MMD: variants seen among roughly 807,000 people sequenced by gnomAD.
MMD encodes the protein monocyte to macrophage differentiation associated, also known as monocyte to macrophage differentiation factor.
In MMD, 22 loss-of-function variants were observed where a neutral mutation model predicts 33.6. That is an observed-to-expected ratio of 0.66 (90% CI 0.47 to 0.94). MMD has a LOEUF of 0.94. MMD is among the 40% of genes least tolerant of loss of function. The probability of loss-of-function intolerance (pLI) is 0.00; values close to 1 mark genes in which losing one functional copy is unlikely to be tolerated. For missense variants in MMD, 242 were observed against 309.8 expected (o/e 0.78, Z 1.64); for synonymous variants, 97 against 103.2 (o/e 0.94, Z 0.36).
intron 4 of MMD, among the ~76,000 whole-genome samples, chr17:55,406,870 A>G (rs889307575): frequency 9.9e-5 from 15 of 152,050 alleles, no homozygotes; most frequent in Admixed American, 9.8e-4. Context: ...TCTCCCCCCA[A>G]AAATACAAAA....
chr17:55,393,585 T>G lies in MMD; in HGVS notation c.*749A>C, dbSNP rs1906997557. ...AAAAAGTTAATGATATCAAAATACT[T>G]TTCCATCACTGGTAAACCAAGCTAG... On this transcript the variant is annotated 3_prime_UTR_variant, in exon 7 of 7. Transcript: ENST00000262065. 1 of 152,630 alleles carries G rather than the reference T, an allele frequency of 6.6e-6. No homozygotes were observed. The highest frequency in any genetic ancestry group is 6.5e-5 in the Admixed American group (1 of 15,276). 9.5% of individuals were successfully genotyped at this position (152,630 alleles called of 1,614,324 possible).
At chr17:55,416,035 G>A (rs950362454) in intron 1 of MMD, among the ~76,000 whole-genome samples, 1 of 152,276 alleles carries the variant, frequency 6.6e-6, no homozygotes, top group Non-Finnish European at 1.5e-5. Flanking sequence ...CTTTAAAAGT[G>A]TCCCAAGAAT....
intron 6 of MMD, among the ~76,000 whole-genome samples, chr17:55,396,610 G>C (rs1008545569): frequency 6.6e-6 from 1 of 151,650 alleles, no homozygotes. Flanking sequence ...GTTGGTGGTG[G>C]TGGTGGTTAT....
chr17:55,405,335 A>G (rs952178092), intron 4 of MMD, among the ~76,000 whole-genome samples: 2 of 151,452 alleles, frequency 1.3e-5, no homozygotes, highest in African/African-American at 4.8e-5. Context: ...GCGCCATTGC[A>G]GTCCAGTCCA....
At chr17:55,420,878 G>C (rs1249431651) in intron 1 of MMD, among the ~76,000 whole-genome samples, 1 of 152,060 alleles carries the variant, frequency 6.6e-6, no homozygotes, top group African/African-American at 2.4e-5. Flanking sequence ...AGGGGAGTAA[G>C]GCCACGGCGC....
At position 55,411,729 on chromosome 17, in the gene MMD, G is replaced by A. The variant is rs79323832; in HGVS notation, c.109-312C>T. Among the ~76,000 whole-genome samples the A allele has an allele frequency of 5.8e-3, 883 of 151,970 alleles. 10 individuals are homozygous for A. The highest frequency in any genetic ancestry group is 0.021 in the African/African-American group (859 of 41,448). ...TTTTATCCTAATTTCATTAAATAAG[G>A]ACATGTTTCATTCTACTTTATAATC... is the stretch of plus-strand genomic sequence containing the variant. On this transcript the variant is annotated intron_variant, in intron 2 of 6. Transcript: ENST00000262065.
intron 6 of MMD, among the ~76,000 whole-genome samples, chr17:55,400,026 CTCATT>C (rs1317842521): frequency 1.3e-5 from 2 of 152,140 alleles, no homozygotes; most frequent in African/African-American, 4.8e-5. Flanking sequence ...GGCTGATTTT[CTCATT>C]TCTGTCCTTT....
chr17:55,401,109 A>C (rs904878114), intron 6 of MMD, among the ~76,000 whole-genome samples: 2 of 152,216 alleles, frequency 1.3e-5, no homozygotes, highest in Non-Finnish European at 2.9e-5. Flanking sequence ...TAGCTTTCCC[A>C]AACTGTACAC....
At chr17:55,411,066 C>T (rs895235017) in intron 3 of MMD, among the ~76,000 whole-genome samples, 191 bp downstream of exon 3, 2 of 152,206 alleles carry the variant, frequency 1.3e-5, no homozygotes, top group Admixed American at 1.3e-4. Flanking sequence ...TAGATGCCTG[C>T]TGGGGAGGAG....
chr17:55,397,749 C>T (rs1181255916), intron 6 of MMD, among the ~76,000 whole-genome samples: 1 of 152,004 alleles, frequency 6.6e-6, no homozygotes, highest in East Asian at 1.9e-4. Context: ...ACCATGTTGG[C>T]CAGGCTGGTC....
intron 1 of MMD, among the ~76,000 whole-genome samples, chr17:55,417,740 A>C (rs1224315988): frequency 3.3e-5 from 5 of 152,216 alleles, no homozygotes; most frequent in Admixed American, 6.5e-5. Flanking sequence ...AGGCTGCAAC[A>C]GTGAGTTGTG....
chr17:55,409,971 T>C (rs2143145892), intron 3 of MMD, among the ~76,000 whole-genome samples: 1 of 152,312 alleles, frequency 6.6e-6, no homozygotes, highest in Admixed American at 6.5e-5. Context: ...GCCCTTGTGA[T>C]TCAATGCTGT....
intron 2 of MMD, 117 bp downstream of exon 2, chr17:55,414,034 A>G (rs779775549): frequency 3.2e-6 from 3 of 939,586 alleles, no homozygotes; most frequent in Non-Finnish European, 5.1e-6. Context: ...TTCCTGGTAG[A>G]TAAGGTCACA....
At chr17:55,421,595 G>A in intron 1 of MMD, 75 bp downstream of exon 1, 3 of 1,577,908 alleles carry the variant, frequency 1.9e-6, no homozygotes, top group Non-Finnish European at 2.6e-6. Flanking sequence ...GGAGCCGGGA[G>A]CCGTGCGCTT....
chr17:55,421,424 G>A (rs749809801), intron 1 of MMD, among the ~76,000 whole-genome samples: 1 of 152,222 alleles, frequency 6.6e-6, no homozygotes, highest in Non-Finnish European at 1.5e-5. Flanking sequence ...CCCGGGGCCG[G>A]GAATCCATCT....
intron 4 of MMD, chr17:55,404,555 A>T: frequency 1.0e-6 from 1 of 985,396 alleles, no homozygotes; most frequent in Non-Finnish European, 1.2e-6. Context: ...AACCTGGAAC[A>T]AAATTTTGAC....
chr17:55,414,048 G>A, intron 2 of MMD, 103 bp downstream of exon 2: 1 of 1,091,370 alleles, frequency 9.2e-7, no homozygotes, highest in Non-Finnish European at 1.4e-6. Context: ...GGTCACAGAT[G>A]GGTAAATCCA....
chr17:55,405,004 G>C (rs1476210577), intron 4 of MMD, among the ~76,000 whole-genome samples: 2 of 152,020 alleles, frequency 1.3e-5, no homozygotes, highest in African/African-American at 4.8e-5. Flanking sequence ...AGAGGTTGCA[G>C]TGAGCTGAGA....
intron 1 of MMD, among the ~76,000 whole-genome samples, chr17:55,414,769 C>T (rs574628221): frequency 1.3e-5 from 2 of 152,276 alleles, no homozygotes; most frequent in Admixed American, 6.5e-5. Flanking sequence ...GCCTGTCCCA[C>T]TAGTTTCCCT....
Sources: allele counts gnomAD v4.1 joint callset (sites outside exome capture counted in the v4.1 genomes callset), GRCh38; gene constraint gnomAD v4.1.1; transcripts MANE v1.5; gene names NCBI Gene and HGNC (gene_info 2026-07-23, HGNC 2026-07-21).